CNOT6L: variants seen among roughly 807,000 people sequenced by gnomAD.
CNOT6L encodes the protein CCR4-NOT transcription complex subunit 6 like.
CNOT6L carries 7 observed loss-of-function variants against 64.0 expected under a neutral mutation model. That is an observed-to-expected ratio of 0.11 (90% CI 0.06 to 0.21). CNOT6L has a LOEUF of 0.21. Among genes scored for constraint, CNOT6L ranks in the 10% least tolerant of loss-of-function variants. The pLI is 1.00. For missense variants in CNOT6L, 245 were observed against 669.0 expected, an observed-to-expected ratio of 0.37 and a Z score of 6.99; for synonymous variants, 193 against 243.4, an observed-to-expected ratio of 0.79 and a Z score of 1.93.
At chr4:77,804,868 C>T (rs1311921922) in intron 1 of CNOT6L, among the ~76,000 whole-genome samples, 2 of 152,114 alleles carry the variant, frequency 1.3e-5, no homozygotes, top group Non-Finnish European at 2.9e-5. Flanking sequence ...AAAGTATACA[C>T]AGTATGAACC....
At chr4:77,771,760 T>C (rs1376299312) in intron 4 of CNOT6L, among the ~76,000 whole-genome samples, 4 of 152,322 alleles carry the variant, frequency 2.6e-5, no homozygotes, top group East Asian at 3.9e-4. Flanking sequence ...TCATTCTTAA[T>C]GATCCATTAT....
intron 4 of CNOT6L, among the ~76,000 whole-genome samples, chr4:77,771,321 A>G (rs925844829): frequency 6.6e-6 from 1 of 151,658 alleles, no homozygotes; most frequent in Non-Finnish European, 1.5e-5. Flanking sequence ...CAAAAGTGAA[A>G]CTCCATCTCA....
intron 8 of CNOT6L, among the ~76,000 whole-genome samples, chr4:77,733,309 C>A (rs1411396171): frequency 6.6e-6 from 1 of 152,118 alleles, no homozygotes; most frequent in South Asian, 2.1e-4. Context: ...TCCTGATTCA[C>A]ACAGCTATAA....
At chr4:77,749,466 T>C (rs1713530586) in intron 5 of CNOT6L, among the ~76,000 whole-genome samples, 1 of 152,290 alleles carries the variant, frequency 6.6e-6, no homozygotes, top group East Asian at 1.9e-4. Flanking sequence ...TTTCTAGCTA[T>C]TGGGATCCTT....
chr4:77,731,725 A>C (rs1722456477), intron 8 of CNOT6L, 187 bp from the exon 9 acceptor site: 1 of 477,618 alleles, frequency 2.1e-6, no homozygotes, highest in South Asian at 3.9e-5. Context: ...GGCCCCACCT[A>C]ACAAAGACAG....
At chr4:77,762,658 C>T (rs1384628579) in intron 4 of CNOT6L, among the ~76,000 whole-genome samples, 1 of 152,126 alleles carries the variant, frequency 6.6e-6, no homozygotes, top group Non-Finnish European at 1.5e-5. Flanking sequence ...TATGGATGTG[C>T]CACAGGTTTT....
intron 6 of CNOT6L, among the ~76,000 whole-genome samples, chr4:77,745,482 G>A (rs1467051684): frequency 6.6e-6 from 1 of 152,170 alleles, no homozygotes; most frequent in Non-Finnish European, 1.5e-5. Context: ...ACTGTGCTGT[G>A]AAGACCAGCA....
chr4:77,726,876 CTTTAT>C (rs1237705349), intron 10 of CNOT6L, among the ~76,000 whole-genome samples: 3 of 152,158 alleles, frequency 2.0e-5, no homozygotes, highest in Non-Finnish European at 4.4e-5. Context: ...CAATATCATT[CTTTAT>C]TTTGAGCTAG....
intron 1 of CNOT6L, among the ~76,000 whole-genome samples, chr4:77,788,838 A>T (rs1577986710): frequency 6.6e-6 from 1 of 152,000 alleles, no homozygotes; most frequent in Admixed American, 6.5e-5. Context: ...AAAAAACACA[A>T]GGCAATAAAA....
At chr4:77,773,728 CAAAA>C (rs1312250205) in intron 3 of CNOT6L, among the ~76,000 whole-genome samples, 2 of 151,356 alleles carry the variant, frequency 1.3e-5, no homozygotes, top group Non-Finnish European at 2.9e-5. Context: ...TTAAAGAAGA[CAAAA>C]GAAAATGTGA....
upstream of CNOT6L, among the ~76,000 whole-genome samples, chr4:77,819,820 C>T (rs1307219563): frequency 1.3e-5 from 2 of 151,186 alleles, no homozygotes; most frequent in Admixed American, 1.3e-4. Flanking sequence ...GCGCGGAAGG[C>T]GGCTGAAGGG....
chr4:77,784,633 G>A (rs891895329), intron 1 of CNOT6L, among the ~76,000 whole-genome samples: 1 of 151,708 alleles, frequency 6.6e-6, no homozygotes, highest in East Asian at 1.9e-4. Context: ...ACAGGTGCAC[G>A]CCACCACCAT....
chr4:77,781,290 A>G (rs534749654), intron 1 of CNOT6L, among the ~76,000 whole-genome samples: 1 of 152,312 alleles, frequency 6.6e-6, no homozygotes, highest in East Asian at 1.9e-4. Flanking sequence ...TGGGACATAC[A>G]TACCTATGTA....
intron 1 of CNOT6L, among the ~76,000 whole-genome samples, chr4:77,787,907 G>A (rs950864450): frequency 1.3e-5 from 2 of 152,162 alleles, no homozygotes; most frequent in Non-Finnish European, 2.9e-5. Flanking sequence ...AGCAGAACTG[G>A]AATTCTAATC....
chr4:77,761,265 TGAGAATTAACCAAATTAGTGCAG>T (rs1360749415), intron 4 of CNOT6L, among the ~76,000 whole-genome samples: 5 of 151,842 alleles, frequency 3.3e-5, no homozygotes, highest in African/African-American at 4.8e-5. Flanking sequence ...TTGAGAACAC[TGAGAATTAACCAAATTAGTGCAG>T]GAGAATCAAC....
intron 9 of CNOT6L, among the ~76,000 whole-genome samples, chr4:77,730,219 CTG>C (rs905195644): frequency 2.0e-5 from 3 of 152,060 alleles, no homozygotes; most frequent in Non-Finnish European, 2.9e-5. Context: ...AAATAAGAAA[CTG>C]AAGTATCTGT....
chr4:77,803,562 A>C (rs1473134383), intron 1 of CNOT6L, among the ~76,000 whole-genome samples: 1 of 152,196 alleles, frequency 6.6e-6, no homozygotes, highest in African/African-American at 2.4e-5. Flanking sequence ...TCAACAGGGG[A>C]CTGAATGACA....
intron 5 of CNOT6L, among the ~76,000 whole-genome samples, chr4:77,756,041 C>T (rs1725541799): frequency 6.6e-6 from 1 of 151,922 alleles, no homozygotes; most frequent in African/African-American, 2.4e-5. Context: ...TGGAGTGCAG[C>T]GGCACGATCT....
chr4:77,756,760 A>G (rs1319248845), intron 5 of CNOT6L, 102 bp downstream of exon 5: 6 of 667,288 alleles, frequency 9.0e-6, no homozygotes, highest in Non-Finnish European at 1.5e-5. Context: ...CTCCAAACCC[A>G]TAGGCAATTA....
Sources: allele counts gnomAD v4.1 joint callset (sites outside exome capture counted in the v4.1 genomes callset), GRCh38; gene constraint gnomAD v4.1.1; transcripts MANE v1.5; gene names NCBI Gene and HGNC (gene_info 2026-07-23, HGNC 2026-07-21).